The following SPMIP7 variants were observed in gnomAD, a reference collection of about 807,000 sequenced individuals.
The protein encoded by SPMIP7 is protein SPMIP7.
the SPMIP7 span, among the ~76,000 whole-genome samples, chr7:50,150,507 C>T: frequency 3.3e-5 from 5 of 152,146 alleles, no homozygotes; most frequent in African/African-American, 7.2e-5. Context: ...TACACAGAGC[C>T]TCATGATCTG....
chr7:50,096,507 G>A, the SPMIP7 span: 7 of 1,551,722 alleles, frequency 4.5e-6, no homozygotes, highest in Non-Finnish European at 6.1e-6. Flanking sequence ...CCTCAACATC[G>A]AGTTCCCAGA....
chr7:50,134,385 T>TACAC, the SPMIP7 span: 4 of 504,046 alleles, frequency 7.9e-6, no homozygotes, highest in South Asian at 3.3e-5. Context: ...TAAATATATA[T>TACAC]ACACACACAC....
At chr7:50,144,579 C>T in the SPMIP7 span, among the ~76,000 whole-genome samples, 1 of 152,136 alleles carries the variant, frequency 6.6e-6, no homozygotes, top group African/African-American at 2.4e-5. Context: ...TACACTTATC[C>T]ATGCATTCTT....
the SPMIP7 span, among the ~76,000 whole-genome samples, chr7:50,098,634 G>A: frequency 2.0e-3 from 311 of 152,276 alleles, no homozygotes; most frequent in Admixed American, 5.6e-3. Context: ...TGCTGGTAAA[G>A]ACCTTCTTTC....
the SPMIP7 span, among the ~76,000 whole-genome samples, chr7:50,147,207 A>G: frequency 6.6e-6 from 1 of 152,234 alleles, no homozygotes; most frequent in Non-Finnish European, 1.5e-5. Flanking sequence ...GCTCTAAATA[A>G]AAGACTATCA....
chr7:50,136,545 A>G, the SPMIP7 span, among the ~76,000 whole-genome samples: 1 of 152,174 alleles, frequency 6.6e-6, no homozygotes, highest in African/African-American at 2.4e-5. Flanking sequence ...CAAATAAATA[A>G]ATACAATAAT....
chr7:50,144,405 G>T, the SPMIP7 span, among the ~76,000 whole-genome samples: 2 of 152,158 alleles, frequency 1.3e-5, no homozygotes, highest in Admixed American at 1.3e-4. Flanking sequence ...GAGTGTATGT[G>T]TGTATGTAAG....
the SPMIP7 span, chr7:50,141,194 TC>T: frequency 1.2e-6 from 1 of 845,898 alleles, no homozygotes; most frequent in Non-Finnish European, 1.9e-6. Context: ...CAAATAAATT[TC>T]CTTTGGAAGT....
chr7:50,151,432 C>G, the SPMIP7 span: 8 of 1,521,298 alleles, frequency 5.3e-6, no homozygotes, highest in Non-Finnish European at 7.1e-6. Flanking sequence ...TTCCTCCTCT[C>G]TTAACTCTTC....
chr7:50,117,793 A>G, the SPMIP7 span, among the ~76,000 whole-genome samples: 1 of 152,226 alleles, frequency 6.6e-6, no homozygotes, highest in Non-Finnish European at 1.5e-5. Flanking sequence ...CTGAGCTTGT[A>G]CATATAGCTA....
At chr7:50,113,251 T>A in the SPMIP7 span, among the ~76,000 whole-genome samples, 1 of 152,006 alleles carries the variant, frequency 6.6e-6, no homozygotes. Flanking sequence ...TAAAACAACT[T>A]CCAGCAACCA....
the SPMIP7 span, among the ~76,000 whole-genome samples, chr7:50,125,397 T>TATATATACATATACAC: frequency 2.8e-4 from 7 of 25,282 alleles, no homozygotes; most frequent in African/African-American, 1.0e-3. Context: ...CATATATATA[T>TATATATACATATACAC]ACATATATAT....
At chr7:50,148,688 C>T in the SPMIP7 span, among the ~76,000 whole-genome samples, 1 of 152,190 alleles carries the variant, frequency 6.6e-6, no homozygotes, top group Non-Finnish European at 1.5e-5. Context: ...CTGCAGGGCA[C>T]TGCCTAGAAT....
At chr7:50,101,529 AATAGTAGAT>A in the SPMIP7 span, among the ~76,000 whole-genome samples, 34 of 152,224 alleles carry the variant, frequency 2.2e-4, no homozygotes, top group African/African-American at 8.2e-4. Context: ...TTGTTTTTCA[AATAGTAGAT>A]ACTGAAACGG....
the SPMIP7 span, among the ~76,000 whole-genome samples, chr7:50,130,706 G>C: frequency 6.6e-6 from 1 of 152,062 alleles, no homozygotes; most frequent in Admixed American, 6.6e-5. Flanking sequence ...GTAATAAGTA[G>C]GAGGTGTGGG....
At chr7:50,104,447 A>G in the SPMIP7 span, 1 of 920,424 alleles carries the variant, frequency 1.1e-6, no homozygotes, top group Non-Finnish European at 1.5e-6. Flanking sequence ...ATATATAATT[A>G]GTTTATTTCA....
chr7:50,101,740 C>A, the SPMIP7 span, among the ~76,000 whole-genome samples: 6 of 152,288 alleles, frequency 3.9e-5, no homozygotes, highest in East Asian at 1.2e-3. Context: ...AAATGCCATC[C>A]TGTTGCTTGT....
At chr7:50,096,176 C>T in the SPMIP7 span, 1 of 1,551,492 alleles carries the variant, frequency 6.4e-7, no homozygotes, top group Non-Finnish European at 8.7e-7. Flanking sequence ...AGATTACCCA[C>T]ACTATTGTGA....
chr7:50,129,806 C>G, the SPMIP7 span: 1 of 1,513,902 alleles, frequency 6.6e-7, no homozygotes, highest in Non-Finnish European at 8.9e-7. Context: ...AAGCAGTTTT[C>G]CCAGTGGAAT....
Sources: gnomAD v4.1 joint callset for allele counts (sites outside exome capture counted in the v4.1 genomes callset) on GRCh38, gnomAD v4.1.1 for gene constraint, MANE v1.5 for transcripts, NCBI Gene and HGNC (gene_info 2026-07-23, HGNC 2026-07-21) for gene names.